ZNF407: variants seen among roughly 807,000 people sequenced by gnomAD.
ZNF407 encodes the protein zinc finger protein 407.
Under a neutral mutation model 131.2 loss-of-function variants are expected in ZNF407, and 17 were observed. The observed-to-expected ratio is 0.13, with a 90% confidence interval of 0.09 to 0.19. ZNF407 has a LOEUF of 0.19. Among genes scored for constraint, ZNF407 ranks in the 10% least tolerant of loss-of-function variants. The pLI, the probability that ZNF407 is intolerant of heterozygous loss-of-function variation, is 1.00. For missense variants in ZNF407, 2,681 were observed against 2,830.6 expected (o/e 0.95, Z 1.20); for synonymous variants, 1,156 against 1,062.0 (o/e 1.09, Z -1.72).
chr18:74,983,103 G>T (rs1972612010), intron 8 of ZNF407, among the ~76,000 whole-genome samples: 1 of 152,194 alleles, frequency 6.6e-6, no homozygotes, highest in Admixed American at 6.5e-5. Context: ...AAGTGTGGCA[G>T]AAAACACTTT....
chr18:74,759,568 T>G (rs1969044851), intron 3 of ZNF407, among the ~76,000 whole-genome samples: 1 of 152,064 alleles, frequency 6.6e-6, no homozygotes, highest in Admixed American at 6.6e-5. Flanking sequence ...CTTCATTTTG[T>G]TTCTCAGACT....
intron 4 of ZNF407, among the ~76,000 whole-genome samples, chr18:74,814,309 C>T (rs1471669153): frequency 6.6e-6 from 1 of 152,044 alleles, no homozygotes; most frequent in Non-Finnish European, 1.5e-5. Flanking sequence ...AATGATTTTA[C>T]TTTTTGTAGA....
intron 7 of ZNF407, among the ~76,000 whole-genome samples, chr18:74,902,402 A>C (rs1440266537): frequency 6.6e-6 from 1 of 152,218 alleles, no homozygotes; most frequent in Non-Finnish European, 1.5e-5. Flanking sequence ...AAGGGCTCGC[A>C]GGAGTCGAAG....
At chr18:74,983,824 G>A (rs905529542) in intron 8 of ZNF407, among the ~76,000 whole-genome samples, 14 of 152,192 alleles carry the variant, frequency 9.2e-5, no homozygotes, top group African/African-American at 2.7e-4. Flanking sequence ...GAGGAGAAAG[G>A]AGTCCCACAC....
chr18:74,992,920 A>G (rs528241870), intron 8 of ZNF407, among the ~76,000 whole-genome samples: 1 of 152,332 alleles, frequency 6.6e-6, no homozygotes, highest in East Asian at 1.9e-4. Context: ...TAAAACTATA[A>G]TAACATGCCA....
Position 75,023,432 on chromosome 18 carries a change from G to A in ZNF407, c.5429-39718G>A, listed in dbSNP as rs185846263. On this transcript the variant is annotated intron_variant, in intron 8 of 8. Transcript: ENST00000299687. ...TGATATATCCTAATTATAATTAATA[G>A]TATGTATATTACATGTAATATAACT... 4.1e-4 allele frequency among the ~76,000 whole-genome samples: 62 copies of A among 152,104 alleles called. 4 individuals carry two copies. Among genetic ancestry groups the A allele is most frequent in the East Asian group, 3.9e-3 (20 of 5,184 alleles).
At chr18:74,801,634 ATT>A (rs1970021104) in intron 4 of ZNF407, among the ~76,000 whole-genome samples, 1 of 152,182 alleles carries the variant, frequency 6.6e-6, no homozygotes, top group Non-Finnish European at 1.5e-5. Flanking sequence ...TTTGATCAGA[ATT>A]TCACACCCGC....
At chr18:74,882,053 A>G (rs1168777227) in intron 6 of ZNF407, among the ~76,000 whole-genome samples, 1 of 152,198 alleles carries the variant, frequency 6.6e-6, no homozygotes, top group Non-Finnish European at 1.5e-5. Context: ...ACCTGCTCCC[A>G]TGATTCAGTT....
At chr18:74,718,562 G>A (rs1967952437) in intron 3 of ZNF407, among the ~76,000 whole-genome samples, 1 of 151,994 alleles carries the variant, frequency 6.6e-6, no homozygotes, top group Non-Finnish European at 1.5e-5. Flanking sequence ...TTGTGTGGAT[G>A]TGTTGCCGAG....
chr18:74,960,130 G>A (rs1342044293), intron 8 of ZNF407, among the ~76,000 whole-genome samples: 1 of 152,234 alleles, frequency 6.6e-6, no homozygotes, highest in Non-Finnish European at 1.5e-5. Flanking sequence ...AGGTAAAAGT[G>A]CCTCTTTTTG....
At chr18:74,985,238 C>CT (rs1447553758) in intron 8 of ZNF407, among the ~76,000 whole-genome samples, 1 of 152,062 alleles carries the variant, frequency 6.6e-6, no homozygotes, top group East Asian at 1.9e-4. Flanking sequence ...TTTTTACCTC[C>CT]TTAAAATACC....
chr18:74,848,870 C>T (rs1464303919), intron 4 of ZNF407, among the ~76,000 whole-genome samples: 3 of 152,054 alleles, frequency 2.0e-5, no homozygotes, highest in Non-Finnish European at 4.4e-5. Context: ...TCTAAACCAT[C>T]CTGAGCCTTT....
At chr18:74,819,440 T>A (rs1055580017) in intron 4 of ZNF407, among the ~76,000 whole-genome samples, 4 of 152,208 alleles carry the variant, frequency 2.6e-5, no homozygotes, top group African/African-American at 9.6e-5. Context: ...CAGTGTGACT[T>A]TGAGGCTAAT....
intron 4 of ZNF407, among the ~76,000 whole-genome samples, chr18:74,820,602 A>G (rs17055667): frequency 0.081 from 12,366 of 152,246 alleles, 627 homozygotes; most frequent in South Asian, 0.17. Flanking sequence ...TAGTTTACCT[A>G]TGCTCTTTTA....
intron 8 of ZNF407, among the ~76,000 whole-genome samples, chr18:74,974,861 A>T (rs1202450316): frequency 1.3e-5 from 2 of 152,214 alleles, no homozygotes; most frequent in East Asian, 3.8e-4. Flanking sequence ...ACAGCTCTCG[A>T]GATTCTTCCG....
chr18:74,836,383 T>G (rs913395650), intron 4 of ZNF407, among the ~76,000 whole-genome samples: 4 of 152,212 alleles, frequency 2.6e-5, no homozygotes, highest in Admixed American at 2.6e-4. Flanking sequence ...TACCACTGTT[T>G]GCCCAAGCCT....
intron 8 of ZNF407, among the ~76,000 whole-genome samples, chr18:75,034,149 G>C (rs1182631649): frequency 2.6e-5 from 4 of 152,146 alleles, no homozygotes; most frequent in African/African-American, 9.7e-5. Flanking sequence ...TACACACTGT[G>C]AAAGCATATG....
intron 3 of ZNF407, among the ~76,000 whole-genome samples, chr18:74,678,275 T>G (rs1966899218): frequency 6.6e-6 from 1 of 152,204 alleles, no homozygotes; most frequent in Admixed American, 6.5e-5. Context: ...TTGCATATAT[T>G]AGTACAGTTT....
intron 3 of ZNF407, among the ~76,000 whole-genome samples, chr18:74,768,128 A>G (rs1969283272): frequency 6.6e-6 from 1 of 152,136 alleles, no homozygotes. Context: ...AAGAAGTCTT[A>G]TTTTTTAAAA....
Sources: allele counts gnomAD v4.1 joint callset (sites outside exome capture counted in the v4.1 genomes callset), GRCh38; gene constraint gnomAD v4.1.1; transcripts MANE v1.5; gene names NCBI Gene and HGNC (gene_info 2026-07-23, HGNC 2026-07-21).